ALK: variants seen among roughly 807,000 people sequenced by gnomAD.
The protein encoded by ALK is ALK tyrosine kinase receptor.
A neutral mutation model predicts 163.1 loss-of-function variants in ALK; 74 were observed. The observed-to-expected ratio is 0.45, with a 90% CI of 0.38 to 0.55. The LOEUF (loss-of-function observed/expected upper bound fraction) is 0.55, where lower values mean the gene tolerates loss of function less well. Among genes scored for constraint, ALK ranks in the 20% least tolerant of loss-of-function variants. The pLI, the probability that ALK is intolerant of heterozygous loss-of-function variation, is 0.00. For missense variants in ALK, 2,063 were observed against 2,105.3 expected (o/e 0.98, Z 0.39); for synonymous variants, 960 against 843.2 (o/e 1.14, Z -2.40).
chr2:29,758,121 C>T (rs1488828630), intron 1 of ALK, among the ~76,000 whole-genome samples: 1 of 150,930 alleles, frequency 6.6e-6, no homozygotes, highest in East Asian at 1.9e-4. Flanking sequence ...AGTGATTCTC[C>T]TGCCTCAGCC....
intron 9 of ALK, chr2:29,286,326 A>G (rs1271651831): frequency 6.6e-6 from 1 of 152,170 alleles, no homozygotes; most frequent in Non-Finnish European, 1.5e-5. Flanking sequence ...GTGTCAGCCA[A>G]TGACATTTCT....
At chr2:29,696,048 G>T (rs78490552) in intron 2 of ALK, among the ~76,000 whole-genome samples, 1 of 152,098 alleles carries the variant, frequency 6.6e-6, no homozygotes, top group South Asian at 2.1e-4. Flanking sequence ...ATACCCAAAG[G>T]TTTATAAATT....
At chr2:29,216,802 T>G (rs545927411) in intron 23 of ALK, among the ~76,000 whole-genome samples, 10 of 146,550 alleles carry the variant, frequency 6.8e-5, no homozygotes, top group Admixed American at 6.1e-4. Flanking sequence ...TGTGTGGGGG[T>G]GTATGTGGCA....
At chr2:29,379,064 G>C (rs566498158) in intron 5 of ALK, among the ~76,000 whole-genome samples, 1 of 152,222 alleles carries the variant, frequency 6.6e-6, no homozygotes, top group South Asian at 2.1e-4. Flanking sequence ...CCATTCTGAC[G>C]TATGTGTTGC....
chr2:29,660,456 G>C (rs1348035206), intron 3 of ALK, among the ~76,000 whole-genome samples: 1 of 152,096 alleles, frequency 6.6e-6, no homozygotes, highest in Non-Finnish European at 1.5e-5. Context: ...GTGGGGACAA[G>C]GCCAGCCCCT....
rs1667017111 is a variant in ALK, at chr2:29,320,869, C to T, written c.1428G>A (p.Val476=). 1.2e-6 allele frequency: 2 copies of T among 1,614,206 alleles called. No individual in the cohort carries two copies. Among genetic ancestry groups the T allele is most frequent in the South Asian group, 1.1e-5 (1 of 91,076 alleles). The change falls in exon 7 of 29, where the codon GTG becomes GTA. Residue 476 remains valine, a synonymous_variant. Transcript: ENST00000389048. ...CATCTTCAAAGTTGCAGTAAAAACCCACAGGCAGTTTCCCTATGGAGAGAG... is the reference window on the plus strand; with the variant it reads ...CATCTTCAAAGTTGCAGTAAAAACCTACAGGCAGTTTCCCTATGGAGAGAG... ...DESQMCRKLP[V]GFYCNFEDGF...
chr2:29,751,355 C>T (rs141771349), intron 1 of ALK, among the ~76,000 whole-genome samples: 3 of 152,084 alleles, frequency 2.0e-5, no homozygotes, highest in East Asian at 1.9e-4. Flanking sequence ...CTTCAGCACG[C>T]GATAGGAATT....
intron 4 of ALK, among the ~76,000 whole-genome samples, chr2:29,449,336 T>C (rs1410206605): frequency 6.6e-6 from 1 of 152,316 alleles, no homozygotes; most frequent in Admixed American, 6.5e-5. Flanking sequence ...GCACGTTCAT[T>C]GCCTAGTGGG....
intron 4 of ALK, among the ~76,000 whole-genome samples, chr2:29,448,100 T>C (rs183786455): frequency 8.5e-5 from 13 of 152,340 alleles, no homozygotes; most frequent in African/African-American, 2.9e-4. Context: ...TGGCGCTTGC[T>C]AAAATATTTC....
chr2:29,509,203 T>C (rs1199244049), intron 4 of ALK, among the ~76,000 whole-genome samples: 1 of 152,162 alleles, frequency 6.6e-6, no homozygotes, highest in African/African-American at 2.4e-5. Context: ...ACACTCAACA[T>C]TTAAATAACA....
intron 1 of ALK, among the ~76,000 whole-genome samples, chr2:29,816,822 G>A (rs1454070858): frequency 2.6e-5 from 4 of 152,314 alleles, no homozygotes; most frequent in Non-Finnish European, 4.4e-5. Context: ...GGGATGTGAT[G>A]TATGGTCTAT....
chr2:29,823,623 A>G (rs1212752030), intron 1 of ALK, among the ~76,000 whole-genome samples: 1 of 152,188 alleles, frequency 6.6e-6, no homozygotes, highest in African/African-American at 2.4e-5. Context: ...GATTGGTGGC[A>G]TTTTGCCCCT....
At chr2:29,807,178 A>G (rs1326902206) in intron 1 of ALK, among the ~76,000 whole-genome samples, 2 of 152,198 alleles carry the variant, frequency 1.3e-5, no homozygotes, top group Non-Finnish European at 2.9e-5. Flanking sequence ...CGCCTTTCCT[A>G]TCTCTCCCTG....
chr2:29,858,584 A>G (rs1461395905), intron 1 of ALK, among the ~76,000 whole-genome samples: 1 of 151,828 alleles, frequency 6.6e-6, no homozygotes. Flanking sequence ...AATACAAAAA[A>G]AAAAAAAAAT....
rs571333008 is a variant in ALK, at chr2:29,781,268, T to C, written c.668-63571A>G. 3.9e-5 allele frequency among the ~76,000 whole-genome samples: 6 copies of C among 152,300 alleles called. No individual in the cohort carries two copies. The South Asian group carries it at 1.0e-3, about 26-fold the overall frequency. On this transcript the variant is annotated intron_variant, in intron 1 of 28. Transcript: ENST00000389048. ...ACCATCTTTGTTTTCTATCCCACCC[T>C]CTACCTTGGCAGGGCGATTCCCTCA...
At chr2:29,373,893 C>G (rs1307619113) in intron 5 of ALK, among the ~76,000 whole-genome samples, 1 of 152,222 alleles carries the variant, frequency 6.6e-6, no homozygotes, top group African/African-American at 2.4e-5. Context: ...GGACTCTGTG[C>G]ACCCAGTGAC....
At chr2:29,534,800 T>C (rs2148161138) in intron 3 of ALK, among the ~76,000 whole-genome samples, 1 of 152,252 alleles carries the variant, frequency 6.6e-6, no homozygotes, top group Non-Finnish European at 1.5e-5. Flanking sequence ...TGCATGTAAA[T>C]TCTGTCCCCG....
At chr2:29,755,892 A>G (rs927068439) in intron 1 of ALK, among the ~76,000 whole-genome samples, 3 of 152,232 alleles carry the variant, frequency 2.0e-5, no homozygotes, top group Non-Finnish European at 4.4e-5. Context: ...CTGTCAGCTC[A>G]GCCCTTTCTG....
intron 3 of ALK, among the ~76,000 whole-genome samples, chr2:29,541,734 G>A (rs1434203544): frequency 1.3e-5 from 2 of 152,212 alleles, no homozygotes; most frequent in Non-Finnish European, 2.9e-5. Context: ...GCTGTCTTTT[G>A]TGGGGCAGAT....
Sources: gnomAD v4.1 joint callset for allele counts (sites outside exome capture counted in the v4.1 genomes callset) on GRCh38, gnomAD v4.1.1 for gene constraint, MANE v1.5 for transcripts, NCBI Gene and HGNC (gene_info 2026-07-23, HGNC 2026-07-21) for gene names.